The following HSPA12A variants were observed in gnomAD, a reference collection of about 807,000 sequenced individuals.
HSPA12A encodes heat shock protein family A (Hsp70) member 12A, also known as heat shock 70 kDa protein 12A.
Under a neutral mutation model 69.2 loss-of-function variants are expected in HSPA12A, and 28 were observed. That is an observed-to-expected ratio of 0.40 (90% confidence interval 0.30 to 0.55). The LOEUF (loss-of-function observed/expected upper bound fraction) is 0.55, where lower values mean the gene tolerates loss of function less well. Ranked by LOEUF, HSPA12A falls within the 20% of genes least tolerant of loss-of-function variation. The pLI is 0.38. For synonymous variants in HSPA12A, 345 were observed against 370.5 expected (o/e 0.93, Z 0.79); for missense variants, 686 against 900.7 (o/e 0.76, Z 3.05).
At chr10:116,717,341 T>C (rs1015146384) in intron 1 of HSPA12A, among the ~76,000 whole-genome samples, 5 of 152,024 alleles carry the variant, frequency 3.3e-5, no homozygotes, top group African/African-American at 1.2e-4. Flanking sequence ...GACGAGCAAA[T>C]AGCTGGAGGA....
chr10:116,742,341 C>T, intron 1 of HSPA12A, 89 bp downstream of exon 1: 1 of 1,298,314 alleles, frequency 7.7e-7, no homozygotes, highest in South Asian at 1.7e-5. Context: ...TTCCACGGCG[C>T]GCGAGGGGGT....
At chr10:116,784,341 T>C (rs1317223713) in intron 2 of HSPA12A, among the ~76,000 whole-genome samples, 1 of 152,280 alleles carries the variant, frequency 6.6e-6, no homozygotes, top group Non-Finnish European at 1.5e-5. Context: ...CGCAGGGTCT[T>C]TGAGCACTTT....
intron 1 of HSPA12A, among the ~76,000 whole-genome samples, chr10:116,724,293 TA>T (rs1412004197): frequency 2.6e-5 from 4 of 152,204 alleles, no homozygotes; most frequent in African/African-American, 4.8e-5. Context: ...TAAAACTTTA[TA>T]AAAAAATTTT....
chr10:116,696,331 G>T (rs563795448), intron 5 of HSPA12A, among the ~76,000 whole-genome samples: 2 of 152,204 alleles, frequency 1.3e-5, no homozygotes, highest in South Asian at 4.2e-4. Flanking sequence ...ACGTGTCAAG[G>T]GTGGGGCCAG....
At chr10:116,730,626 T>C (rs1851120122) in intron 1 of HSPA12A, among the ~76,000 whole-genome samples, 1 of 152,250 alleles carries the variant, frequency 6.6e-6, no homozygotes, top group South Asian at 2.1e-4. Flanking sequence ...GGGTCCCTCA[T>C]GCCCCATTCC....
chr10:116,834,425 C>T (rs1845674047), intron 2 of HSPA12A, among the ~76,000 whole-genome samples: 1 of 152,172 alleles, frequency 6.6e-6, no homozygotes, highest in Admixed American at 6.5e-5. Flanking sequence ...GAATAGTCCA[C>T]TTGTTTTCTC....
At chr10:116,794,886 C>T (rs1844784605) in intron 2 of HSPA12A, among the ~76,000 whole-genome samples, 1 of 152,048 alleles carries the variant, frequency 6.6e-6, no homozygotes, top group Non-Finnish European at 1.5e-5. Context: ...TTAAATAACC[C>T]TTTGGTCAAA....
intron 2 of HSPA12A, among the ~76,000 whole-genome samples, chr10:116,769,492 G>A (rs149326916): frequency 9.2e-5 from 14 of 152,254 alleles, no homozygotes; most frequent in East Asian, 3.9e-4. Context: ...CCGGGGTGGC[G>A]AAAGCACCAG....
chr10:116,846,006 T>G (rs1845873808), intron 1 of HSPA12A, among the ~76,000 whole-genome samples: 2 of 152,190 alleles, frequency 1.3e-5, no homozygotes, highest in Non-Finnish European at 2.9e-5. Context: ...CTGATATAAG[T>G]GCTACTGGAG....
At chr10:116,815,099 ATT>A (rs34886986) in intron 2 of HSPA12A, among the ~76,000 whole-genome samples, 12 of 148,240 alleles carry the variant, frequency 8.1e-5, no homozygotes, top group Admixed American at 4.7e-4. Context: ...ATCCCTACCC[ATT>A]TTTTTTTTTA....
upstream of HSPA12A, chr10:116,742,575 G>A (rs1554887376): frequency 3.5e-6 from 4 of 1,142,214 alleles, no homozygotes; most frequent in Non-Finnish European, 3.2e-6. Context: ...CTGAGCCGCC[G>A]GGCAGCGGGA....
intron 2 of HSPA12A, among the ~76,000 whole-genome samples, chr10:116,807,188 C>T (rs1327317484): frequency 1.3e-5 from 2 of 151,994 alleles, no homozygotes; most frequent in African/African-American, 2.4e-5. Flanking sequence ...TTTGACTTCT[C>T]GGTGGGCTCA....
At chr10:116,691,577 G>A (rs545406652) in intron 6 of HSPA12A, among the ~76,000 whole-genome samples, 4 of 152,298 alleles carry the variant, frequency 2.6e-5, no homozygotes, top group Admixed American at 6.5e-5. Context: ...GGCCCCAGGC[G>A]TGGGTGTTCA....
chr10:116,815,364 G>C (rs1845282684), intron 2 of HSPA12A, among the ~76,000 whole-genome samples: 1 of 151,856 alleles, frequency 6.6e-6, no homozygotes, highest in Admixed American at 6.6e-5. Context: ...CCAGGAGTTT[G>C]AGACCAGCCT....
intron 1 of HSPA12A, 126 bp from the exon 2 acceptor site, chr10:116,707,411 G>C (rs1554882637): frequency 1.4e-6 from 1 of 728,942 alleles, no homozygotes; most frequent in Non-Finnish European, 2.4e-6. Context: ...TCACGAAATG[G>C]GCAAGGCCCA....
At position 116,742,097 on chromosome 10, in the gene HSPA12A, G is replaced by T. The variant is rs189308147; in HGVS notation, c.40+333C>A. Among the ~76,000 whole-genome samples the T allele has an allele frequency of 7.8e-3, 1,187 of 152,150 alleles. 5 individuals carry two copies. The highest frequency in any genetic ancestry group is 0.027 in the Middle Eastern group (8 of 292). On this transcript the variant is annotated intron_variant, in intron 1 of 11. Coordinates refer to ENST00000369209, the MANE Select transcript of HSPA12A (RefSeq NM_025015.3). The stretch of plus-strand genomic sequence containing the variant: ...ATCGCGCGGGGGCTGCACACGCGGG[G>T]CGGTCCTCACCCGCACGCGCGACCA...
chr10:116,833,635 C>T (rs1192998259), intron 2 of HSPA12A, among the ~76,000 whole-genome samples: 1 of 152,180 alleles, frequency 6.6e-6, no homozygotes, highest in East Asian at 1.9e-4. Flanking sequence ...TGAGCACCTA[C>T]GATGTGACAG....
intron 2 of HSPA12A, among the ~76,000 whole-genome samples, chr10:116,760,274 T>C (rs1843939490): frequency 6.6e-6 from 1 of 152,092 alleles, no homozygotes; most frequent in Non-Finnish European, 1.5e-5. Context: ...AGACCCAGTC[T>C]CTATTACTTG....
At chr10:116,722,844 T>C (rs1409647514) in intron 1 of HSPA12A, among the ~76,000 whole-genome samples, 2 of 152,058 alleles carry the variant, frequency 1.3e-5, no homozygotes, top group Non-Finnish European at 2.9e-5. Context: ...GACACCATGG[T>C]AAGTGCCACA....
Sources: allele counts gnomAD v4.1 joint callset (sites outside exome capture counted in the v4.1 genomes callset), GRCh38; gene constraint gnomAD v4.1.1; transcripts MANE v1.5; gene names NCBI Gene and HGNC (gene_info 2026-07-23, HGNC 2026-07-21).